The following RGS3 variants were observed in gnomAD, a reference collection of about 807,000 sequenced individuals.
RGS3 encodes the protein regulator of G-protein signalling 3.
RGS3 carries 80 observed loss-of-function variants against 132.6 expected under a neutral mutation model. That is an observed-to-expected ratio of 0.60 (90% CI 0.50 to 0.73). The LOEUF is 0.73. Among genes scored for constraint, RGS3 ranks in the 30% least tolerant of loss-of-function variants. The pLI is 0.00. For synonymous variants in RGS3, 598 were observed against 620.6 expected, an observed-to-expected ratio of 0.96 and a Z score of 0.54; for missense variants, 1,382 against 1,530.8, an observed-to-expected ratio of 0.90 and a Z score of 1.62.
chr9:113,565,040 A>C lies in RGS3; in HGVS notation c.2038-18410A>C, dbSNP rs916586432. 1 of 1,118,860 alleles carries C rather than the reference A, an allele frequency of 8.9e-7. No homozygotes were observed. Among genetic ancestry groups the C allele is most frequent in the African/African-American group, 1.7e-5 (1 of 60,556 alleles). The allele number at this position is 1,118,860 out of a possible 1,614,324, so 69.3% of individuals were successfully genotyped here. On this transcript the variant is annotated intron_variant, in intron 19 of 24. Transcript: ENST00000350696. The surrounding 1 kb of genome is among the most constrained non-coding windows in gnomAD (Gnocchi z 5.7). ...AGCCCTCAGGATGTGTGTGGGGTGG[A>C]GCCTGCTAGGGATCCCAGTGCCAGG...
intron 10 of RGS3, among the ~76,000 whole-genome samples, chr9:113,498,975 C>G (rs995878223): frequency 2.7e-5 from 4 of 146,898 alleles, no homozygotes; most frequent in Admixed American, 2.1e-4. Context: ...GCCTGTAATA[C>G]CAGCACTTTG....
chr9:113,556,940 C>G (rs1024927452), intron 19 of RGS3, among the ~76,000 whole-genome samples: 1 of 152,228 alleles, frequency 6.6e-6, no homozygotes, highest in Non-Finnish European at 1.5e-5. Context: ...CCTCTTCCTA[C>G]TCCTGTCCAT....
At chr9:113,595,319 G>T (rs993537547) in intron 23 of RGS3, among the ~76,000 whole-genome samples, 29 of 152,224 alleles carry the variant, frequency 1.9e-4, no homozygotes, top group Non-Finnish European at 2.5e-4. Context: ...CATGGGCAGG[G>T]TCCCATCGGC....
chr9:113,565,292 A>T lies in RGS3; in HGVS notation c.2038-18158A>T, dbSNP rs1289985532. 1 of 1,289,580 alleles carries T rather than the reference A, an allele frequency of 7.8e-7. No homozygotes were observed. The highest frequency in any genetic ancestry group is 5.6e-5 in the East Asian group (1 of 18,004). The allele number at this position is 1,289,580 out of a possible 1,614,324, so 79.9% of individuals were successfully genotyped here. A position where few individuals can be genotyped will look rare whatever the true frequency, so the allele number is the denominator to read the frequency against. On this transcript the variant is annotated intron_variant, in intron 19 of 24. Coordinates refer to ENST00000350696, the Ensembl canonical transcript of RGS3. The surrounding 1 kb of genome is among the most constrained non-coding windows in gnomAD (Gnocchi z 5.7). ...GGATGAAAGTGCTTTGAGAAACCAC[A>T]GAGTTTTCTGTTTAATGGAAGAAAG...
intron 1 of RGS3, among the ~76,000 whole-genome samples, chr9:113,450,654 G>T (rs113390883): frequency 0.04 from 6,094 of 152,184 alleles, 164 homozygotes; most frequent in South Asian, 0.1. Flanking sequence ...CAATAGGCGT[G>T]CATGAGCTCT....
intron 7 of RGS3, among the ~76,000 whole-genome samples, chr9:113,493,707 G>A (rs1240770743): frequency 6.6e-6 from 1 of 152,104 alleles, no homozygotes; most frequent in African/African-American, 2.4e-5. Context: ...TGCTTGGCAG[G>A]ATACCCTGGA....
At chr9:113,472,215 A>C (rs1471009004) in intron 3 of RGS3, among the ~76,000 whole-genome samples, 1 of 152,228 alleles carries the variant, frequency 6.6e-6, no homozygotes, top group South Asian at 2.1e-4. Flanking sequence ...GCGGTTCCTC[A>C]AACAATTAAA....
At chr9:113,478,018 C>T (rs1417049093) in intron 3 of RGS3, among the ~76,000 whole-genome samples, 3 of 152,200 alleles carry the variant, frequency 2.0e-5, no homozygotes, top group African/African-American at 4.8e-5. Flanking sequence ...GTGTGACCCT[C>T]TCTCTCTTCT....
chr9:113,508,190 C>T (rs926683882), intron 13 of RGS3, among the ~76,000 whole-genome samples: 5 of 152,150 alleles, frequency 3.3e-5, no homozygotes, highest in Non-Finnish European at 5.9e-5. Flanking sequence ...CAAATAACAC[C>T]GCATTTCCCA....
intron 6 of RGS3, 113 bp downstream of exon 4, chr9:113,484,345 A>AAC (rs1158042549): frequency 4.0e-6 from 2 of 499,220 alleles, no homozygotes; most frequent in Non-Finnish European, 7.1e-6. Flanking sequence ...AAAAAAAAAA[A>AAC]AAAACCAAAA....
intron 10 of RGS3, among the ~76,000 whole-genome samples, chr9:113,502,700 A>C (rs1212754514): frequency 6.6e-6 from 1 of 152,208 alleles, no homozygotes; most frequent in Non-Finnish European, 1.5e-5. Flanking sequence ...GCTGGCTGTC[A>C]GAGTGGGGCC....
At chr9:113,540,157 G>A (rs988347805) in intron 19 of RGS3, among the ~76,000 whole-genome samples, 8 of 152,028 alleles carry the variant, frequency 5.3e-5, no homozygotes, top group Non-Finnish European at 1.0e-4. Context: ...GTAGCTGGGG[G>A]GCGCCTACCT....
intron 19 of RGS3, among the ~76,000 whole-genome samples, chr9:113,546,162 C>G (rs1240000938): frequency 1.3e-5 from 2 of 152,286 alleles, no homozygotes; most frequent in African/African-American, 4.8e-5. Context: ...AAATTTTCCC[C>G]TTCTCTAAAC....
intron 3 of RGS3, among the ~76,000 whole-genome samples, chr9:113,477,004 A>G (rs1830011888): frequency 6.6e-6 from 1 of 152,130 alleles, no homozygotes. Flanking sequence ...TCAACCCATG[A>G]CTGCGGGCTT....
chr9:113,534,520 C>T (rs2118583841), intron 18 of RGS3, among the ~76,000 whole-genome samples: 1 of 151,710 alleles, frequency 6.6e-6, no homozygotes, highest in South Asian at 2.1e-4. Flanking sequence ...ATATCTAATA[C>T]AATGTAAGTT....
chr9:113,591,526 C>A lies in RGS3; in HGVS notation c.3080+129C>A. Reference sequence around the variant, plus strand: ...CCCGCCCACAACCCCAGACAGACACCAAGGAAAAACTGGATCTTGGAACTT... The same window carrying A: ...CCCGCCCACAACCCCAGACAGACACAAAGGAAAAACTGGATCTTGGAACTT... On this transcript the variant is annotated intron_variant, in intron 21 of 24. Transcript: ENST00000350696. The surrounding 1 kb of genome is among the most constrained non-coding windows in gnomAD (Gnocchi z 4.4). The A allele has an allele frequency of 2.5e-6, 2 of 794,090 alleles. No homozygotes were observed. Among genetic ancestry groups the A allele is most frequent in the Non-Finnish European group, 4.3e-6 (2 of 467,106 alleles). The allele number at this position is 794,090 out of a possible 1,614,324, so 49.2% of individuals were successfully genotyped here. A position where few individuals can be genotyped will look rare whatever the true frequency, so the allele number is the denominator to read the frequency against.
intron 3 of RGS3, among the ~76,000 whole-genome samples, chr9:113,476,279 T>C (rs946652396): frequency 6.6e-6 from 1 of 151,556 alleles, no homozygotes; most frequent in African/African-American, 2.4e-5. Context: ...GGAGTGGGGG[T>C]AGAGTTCTAA....
At chr9:113,584,738 AG>A (rs1835035322) in intron 20 of RGS3, among the ~76,000 whole-genome samples, 1 of 152,276 alleles carries the variant, frequency 6.6e-6, no homozygotes, top group Non-Finnish European at 1.5e-5. Flanking sequence ...GATCTGAGAT[AG>A]TAGCTGGAGA....
At chr9:113,577,764 ACAGGGCGGCC>A (rs1383457321) in intron 19 of RGS3, among the ~76,000 whole-genome samples, 1 of 152,064 alleles carries the variant, frequency 6.6e-6, no homozygotes. Context: ...CAGCCATTCC[ACAGGGCGGCC>A]TTCCCAACAC....
Sources: allele counts gnomAD v4.1 joint callset (sites outside exome capture counted in the v4.1 genomes callset), GRCh38; gene constraint gnomAD v4.1.1; non-coding constraint Gnocchi (gnomAD v3.1); transcripts MANE v1.5; gene names NCBI Gene and HGNC (gene_info 2026-07-23, HGNC 2026-07-21).